Variants in STK11IP observed in about 807,000 individuals in gnomAD.
STK11IP encodes serine/threonine kinase 11 interacting protein, also known as serine/threonine-protein kinase 11-interacting protein.
STK11IP carries 103 observed loss-of-function variants against 131.7 expected under a neutral mutation model. That is an observed-to-expected ratio of 0.78 (90% CI 0.67 to 0.92). STK11IP has a LOEUF of 0.92. Among genes scored for constraint, STK11IP ranks in the 40% least tolerant of loss-of-function variants. STK11IP has a pLI of 0.00. For missense variants in STK11IP, 1,315 were observed against 1,385.7 expected, an observed-to-expected ratio of 0.95 and a Z score of 0.81; for synonymous variants, 557 against 575.6, an observed-to-expected ratio of 0.97 and a Z score of 0.46.
chr2:219,609,500 A>T lies in STK11IP; in HGVS notation c.2064A>T (p.Leu688Phe), dbSNP rs1271631997. Residue 688 changes from leucine (L) to phenylalanine (F), a missense_variant, in exon 17 of 25, where the codon TTA (leucine) becomes TTT (phenylalanine). Coordinates refer to ENST00000456909, the MANE Select transcript of STK11IP (RefSeq NM_052902.4). Reference protein sequence around the residue: ...EFKPEEPRMGLDSEEGWRPLF... With the variant: ...EFKPEEPRMGFDSEEGWRPLF... ...AGCCAGAGGAGCCCAGGATGGGATT[A>T]GACAGTGAGGAAGGCTGGAGGCCTC... 3.1e-6 allele frequency: 5 copies of T among 1,594,692 alleles called. No homozygotes were observed. Among genetic ancestry groups the T allele is most frequent in the Admixed American group, 3.5e-5 (2 of 56,800 alleles).
At position 219,611,974 on chromosome 2, in the gene STK11IP, C is replaced by T; in HGVS notation, c.2355C>T (p.Leu785=). Residue 785 remains leucine, a synonymous_variant, in exon 19 of 25, where the codon CTC becomes CTT. Coordinates refer to ENST00000456909, the MANE Select transcript of STK11IP (RefSeq NM_052902.4). ...SLSPPPERCG[L]RSVDHRLRLF... ...CCTCAGCCCCTGAGCGCTGTGGCCT[C>T]CGCTCTGTGGACCACCGACTCCGGC... The T allele has an allele frequency of 5.0e-6, 8 of 1,599,922 alleles. No individual in the cohort carries two copies. The highest frequency in any genetic ancestry group is 6.8e-6 in the Non-Finnish European group (8 of 1,174,288).
intron 2 of STK11IP, 141 bp downstream of exon 2, chr2:219,598,321 A>G (rs1003168509): frequency 1.6e-6 from 1 of 640,770 alleles, no homozygotes; most frequent in Non-Finnish European, 2.6e-6. Context: ...TACTTTTCCC[A>G]GGTTTGTTCG....
At position 219,607,154 on chromosome 2, in the gene STK11IP, C is replaced by A. The variant is rs977277125; in HGVS notation, c.1219+17C>A. ...CTCCGGCTGGTAAGTCAGCTTCATC[C>A]CACTAACCTCTCTCGTCCCCAGCGA... On this transcript the variant is annotated intron_variant, in intron 13 of 24. Transcript: ENST00000456909. The A allele has an allele frequency of 1.9e-6, 3 of 1,612,292 alleles. No individual in the cohort carries two copies. In the African/African-American group the frequency reaches 4.0e-5, roughly 21 times the overall value.
intron 13 of STK11IP, 132 bp downstream of exon 13, chr2:219,607,269 CT>C: frequency 1.2e-6 from 1 of 857,016 alleles, no homozygotes; most frequent in Non-Finnish European, 1.8e-6. Flanking sequence ...GCTTCTTAGT[CT>C]TTTTTCTTTT....
At chr2:219,606,998 A>T in intron 12 of STK11IP, 55 bp from the exon 13 acceptor site, 1 of 1,607,252 alleles carries the variant, frequency 6.2e-7, no homozygotes, top group East Asian at 2.2e-5. Flanking sequence ...CCAGCCGTGG[A>T]TGGCAGGGCT....
intron 7 of STK11IP, among the ~76,000 whole-genome samples, chr2:219,604,978 T>C (rs1698102811): frequency 6.6e-6 from 1 of 152,160 alleles, no homozygotes; most frequent in South Asian, 2.1e-4. Context: ...TACAAGTGTG[T>C]GCCACCACGC....
At chr2:219,608,006 T>G (rs749500197) in intron 13 of STK11IP, 41 bp from the exon 14 acceptor site, 1 of 1,582,306 alleles carries the variant, frequency 6.3e-7, no homozygotes, top group East Asian at 2.3e-5. Flanking sequence ...GCCATCTGTG[T>G]GGGGCAGGCT....
rs372389538 is a variant in STK11IP at position 219,601,734 on chromosome 2, A to C, written c.342+19A>C. On this transcript the variant is annotated intron_variant, in intron 4 of 24. Transcript: ENST00000456909. ...CCTGGAGGTATGGGGACACGGGGGG[A>C]TGTTGGTGCACAGCACCCAACTTGA... is the stretch of plus-strand genomic sequence containing the variant. 2 of 1,582,952 alleles carry C rather than the reference A, an allele frequency of 1.3e-6. No homozygotes were observed.
intron 21 of STK11IP, 69 bp downstream of exon 21, chr2:219,613,999 C>T: frequency 6.6e-7 from 1 of 1,506,532 alleles, no homozygotes; most frequent in Non-Finnish European, 8.9e-7. Flanking sequence ...CCAGGCTCCC[C>T]ACCTGGTACC....
At chr2:219,609,760 T>TTA in intron 17 of STK11IP, 1 of 462,602 alleles carries the variant, frequency 2.2e-6, no homozygotes, top group African/African-American at 2.1e-5. Flanking sequence ...TTTTTTTTTT[T>TTA]AACTCTAAAA....
In STK11IP at chr2:219,597,892, G is replaced by A. The variant is rs755829797; in HGVS notation, c.-58G>A. 5.6e-6 allele frequency: 9 copies of A among 1,610,124 alleles called. No individual in the cohort carries two copies. The Admixed American group carries it at 1.2e-4, about 21-fold the overall frequency. ...CATCATTGATAGGCGCCGGGCAGCT[G>A]AGCTGGTAGGAGGACCAGACGGGGA... On this transcript the variant is annotated 5_prime_UTR_variant, in exon 1 of 25. Transcript: ENST00000456909.
At position 219,610,048 on chromosome 2, in the gene STK11IP, A is replaced by G. The variant is rs572520224; in HGVS notation, c.2104+508A>G. On this transcript the variant is annotated intron_variant, in intron 17 of 24. Coordinates refer to ENST00000456909, the MANE Select transcript of STK11IP (RefSeq NM_052902.4). The stretch of plus-strand genomic sequence containing the variant: ...TTCTTCATGCGCTAGTCCTTAAAAC[A>G]AGAATTGTTTCCATTGTAGACCAGT... 312 of 165,524 alleles carry G rather than the reference A, an allele frequency of 1.9e-3. 2 individuals are homozygous for G. Among genetic ancestry groups the G allele is most frequent in the African/African-American group, 6.8e-3 (286 of 41,862 alleles). 10.3% of individuals were successfully genotyped at this position (165,524 alleles called of 1,614,324 possible). A position where few individuals can be genotyped will look rare whatever the true frequency, so the allele number is the denominator to read the frequency against.
Position 219,599,924 on chromosome 2 carries a change from G to T in STK11IP, c.62-1311G>T, listed in dbSNP as rs192531722. On this transcript the variant is annotated intron_variant, in intron 2 of 24. Transcript: ENST00000456909. ...TACTAATTTTTGTATTTTTAGTAGAGACGGGGTTTCACCATATTGGCCAGG... is the reference window on the plus strand; with the variant it reads ...TACTAATTTTTGTATTTTTAGTAGATACGGGGTTTCACCATATTGGCCAGG... Among the ~76,000 whole-genome samples, 101 of 152,032 alleles carry T rather than the reference G, an allele frequency of 6.6e-4. 1 individual carries two copies. Among genetic ancestry groups the T allele is most frequent in the African/African-American group, 2.4e-3 (98 of 41,480 alleles).
Position 219,601,624 on chromosome 2 carries a change from T to TG in STK11IP, c.268-17_268-16insG, listed in dbSNP as rs753534360. 12 of 1,526,416 alleles carry TG rather than the reference T, an allele frequency of 7.9e-6. No individual in the cohort carries two copies. The highest frequency in any genetic ancestry group is 1.7e-4 in the Middle Eastern group (1 of 5,930). 94.6% of individuals were successfully genotyped at this position (1,526,416 alleles called of 1,614,324 possible). A position where few individuals can be genotyped will look rare whatever the true frequency, so the allele number is the denominator to read the frequency against. On this transcript the variant is annotated splice_polypyrimidine_tract_variant and intron_variant, in intron 3 of 24. Transcript: ENST00000456909. ...TCTGCTGTGCCTCAGTAAATTGAGTTTTTTTTTTTTTTTCAGCTGGTCCAT... is the reference window on the plus strand; with the variant it reads ...TCTGCTGTGCCTCAGTAAATTGAGTTGTTTTTTTTTTTTTCAGCTGGTCCAT...
intron 17 of STK11IP, among the ~76,000 whole-genome samples, chr2:219,609,865 T>C (rs987983846): frequency 6.6e-5 from 10 of 152,144 alleles, no homozygotes; most frequent in African/African-American, 1.9e-4. Context: ...TTGGCTGATA[T>C]TTCAGACACT....
chr2:219,611,936 GC>G lies in STK11IP; in HGVS notation c.2336-14del. 1 of 1,582,172 alleles carries G rather than the reference GC, an allele frequency of 6.3e-7. No homozygotes were observed. Among genetic ancestry groups the G allele is most frequent in the Non-Finnish European group, 8.6e-7 (1 of 1,164,494 alleles). Reference sequence around the variant, plus strand: ...CAGGGGCTGCCATGGGCAGGCTGATGCCCCCTCATTGCCCTCAGCCCCTGAG... The same window carrying G: ...CAGGGGCTGCCATGGGCAGGCTGATGCCCCTCATTGCCCTCAGCCCCTGAG... On this transcript the variant is annotated intron_variant, in intron 18 of 24. Transcript: ENST00000456909.
chr2:219,598,828 G>A (rs1445683668), intron 2 of STK11IP, among the ~76,000 whole-genome samples: 2 of 152,232 alleles, frequency 1.3e-5, no homozygotes, highest in Non-Finnish European at 2.9e-5. Flanking sequence ...GGTAGAAAAA[G>A]CCTTGGCTTT....
At position 219,615,151 on chromosome 2, in the gene STK11IP, A is replaced by C. The variant is rs1302561779; in HGVS notation, c.2927A>C (p.Asp976Ala). ...LLTPSTLFLLDEDAAGSPAEP... is the reference protein window; with the variant it reads ...LLTPSTLFLLAEDAAGSPAEP... Reference sequence around the variant, plus strand: ...ACTCCGTCCACCCTGTTCCTGTTAGATGAGGATGCTGCAGGGTCCCCGGCA... The same window carrying C: ...ACTCCGTCCACCCTGTTCCTGTTAGCTGAGGATGCTGCAGGGTCCCCGGCA... The change falls in exon 24 of 25, where the codon GAT becomes GCT. Residue 976 changes from aspartate to alanine, a missense_variant. Coordinates refer to ENST00000456909, the MANE Select transcript of STK11IP (RefSeq NM_052902.4). The C allele has an allele frequency of 1.2e-6, 2 of 1,607,314 alleles. No homozygotes were observed.
Position 219,608,838 on chromosome 2 carries a change from G to A in STK11IP, c.1809+50G>A, listed in dbSNP as rs1404843348. 6 of 1,511,892 alleles carry A rather than the reference G, an allele frequency of 4.0e-6. No individual in the cohort carries two copies. In the Admixed American group the frequency reaches 1.2e-4, roughly 31 times the overall value. 93.7% of individuals were successfully genotyped at this position (1,511,892 alleles called of 1,614,324 possible). A position where few individuals can be genotyped will look rare whatever the true frequency, so the allele number is the denominator to read the frequency against. On this transcript the variant is annotated intron_variant, in intron 15 of 24. Transcript: ENST00000456909. ...TGGAGGAGCCAGTTATGGGAACATG[G>A]CTGTTGTGTGCCCTGCACTGGGCTG...
Sources: gnomAD v4.1 joint callset for allele counts (sites outside exome capture counted in the v4.1 genomes callset) on GRCh38, gnomAD v4.1.1 for gene constraint, MANE v1.5 for transcripts, NCBI Gene and HGNC (gene_info 2026-07-23, HGNC 2026-07-21) for gene names.